Variants in PRKCE observed in about 807,000 individuals in gnomAD.
The protein encoded by PRKCE is protein kinase C epsilon.
A neutral mutation model predicts 85.4 loss-of-function variants in PRKCE; 16 were observed. That is an observed-to-expected ratio of 0.19 (90% CI 0.13 to 0.28). PRKCE has a LOEUF of 0.28. PRKCE is among the 10% of genes least tolerant of loss of function. The pLI is 1.00. For missense variants in PRKCE, 573 were observed against 975.2 expected (o/e 0.59, Z 5.49); for synonymous variants, 388 against 371.5 (o/e 1.04, Z -0.51).
At position 45,895,024 on chromosome 2, in the gene PRKCE, CGTTT is replaced by C. The variant is rs1172453675; in HGVS notation, c.412+51966_412+51969del. ...AGGCATCAGCCCCTGTGCCCCCGTT[CGTTT>C]GTTTTGAGTGAACACATAAATGTCA... is the stretch of plus-strand genomic sequence containing the variant. On this transcript the variant is annotated intron_variant, in intron 2 of 14. Transcript: ENST00000306156. This position sits in a 1 kb window ranked among gnomAD's most constrained non-coding sequence, Gnocchi z 4.8. Among the ~76,000 whole-genome samples the C allele has an allele frequency of 6.6e-6, 1 of 152,152 alleles. No homozygotes were observed. Among genetic ancestry groups the C allele is most frequent in the Non-Finnish European group, 1.5e-5 (1 of 68,028 alleles).
chr2:46,021,265 C>T (rs949974947), intron 10 of PRKCE, among the ~76,000 whole-genome samples: 1 of 152,182 alleles, frequency 6.6e-6, no homozygotes. Context: ...AGTTCTTACT[C>T]TGCTAGGCAA....
intron 1 of PRKCE, among the ~76,000 whole-genome samples, chr2:45,669,605 A>C (rs1481298015): frequency 1.3e-5 from 2 of 152,234 alleles, no homozygotes; most frequent in Non-Finnish European, 2.9e-5. Flanking sequence ...TGATCTGATC[A>C]CATCAGTTTC....
chr2:45,906,620 C>T (rs1314765500), intron 2 of PRKCE, among the ~76,000 whole-genome samples: 2 of 152,102 alleles, frequency 1.3e-5, no homozygotes, highest in African/African-American at 2.4e-5. Context: ...TTGATCTTAC[C>T]TCTGCTGGGT....
In PRKCE at chr2:45,875,706, T is replaced by C. The variant is rs537243291; in HGVS notation, c.412+32643T>C. Reference sequence around the variant, plus strand: ...TACTAAACTGGCTGCTTTGTTGGGGTGGTGAGCTCCCATCCCTGGAAGTGT... The same window carrying C: ...TACTAAACTGGCTGCTTTGTTGGGGCGGTGAGCTCCCATCCCTGGAAGTGT... On this transcript the variant is annotated intron_variant, in intron 2 of 14. Coordinates refer to ENST00000306156, the MANE Select transcript of PRKCE (RefSeq NM_005400.3). Among the ~76,000 whole-genome samples, 4 of 152,288 alleles carry C rather than the reference T, an allele frequency of 2.6e-5. No homozygotes were observed. The East Asian group carries it at 7.7e-4, about 29-fold the overall frequency.
At chr2:45,722,849 C>G (rs1483575851) in intron 1 of PRKCE, among the ~76,000 whole-genome samples, 1 of 152,168 alleles carries the variant, frequency 6.6e-6, no homozygotes, top group Non-Finnish European at 1.5e-5. Context: ...GCCTGTAATC[C>G]CAGCTCTTTG....
At chr2:45,961,891 C>G (rs1701406838) in intron 2 of PRKCE, among the ~76,000 whole-genome samples, 1 of 152,122 alleles carries the variant, frequency 6.6e-6, no homozygotes, top group Non-Finnish European at 1.5e-5. Context: ...GACGGGGTTT[C>G]TCCATGTTGG....
intron 1 of PRKCE, among the ~76,000 whole-genome samples, chr2:45,781,493 G>A (rs1373043880): frequency 6.6e-6 from 1 of 152,072 alleles, no homozygotes; most frequent in Non-Finnish European, 1.5e-5. Context: ...CAATTTGTTT[G>A]TTATTTTCTA....
intron 1 of PRKCE, among the ~76,000 whole-genome samples, chr2:45,818,720 C>T (rs377106209): frequency 2.0e-5 from 3 of 152,208 alleles, no homozygotes; most frequent in Admixed American, 6.5e-5. Context: ...AGTTTTAACA[C>T]GAGGAGGTGG....
chr2:45,756,412 C>A (rs1213399397), intron 1 of PRKCE, among the ~76,000 whole-genome samples: 2 of 152,184 alleles, frequency 1.3e-5, no homozygotes, highest in Non-Finnish European at 2.9e-5. Flanking sequence ...ATCGTATAGT[C>A]TCTCTGGAAA....
chr2:46,073,532 T>C (rs1188297351), intron 10 of PRKCE: 1 of 152,284 alleles, frequency 6.6e-6, no homozygotes, highest in African/African-American at 2.4e-5. Context: ...TGGCTTCTCC[T>C]CGCCCTCCTG....
At chr2:45,705,608 C>T (rs1275795147) in intron 1 of PRKCE, among the ~76,000 whole-genome samples, 1 of 152,194 alleles carries the variant, frequency 6.6e-6, no homozygotes, top group Non-Finnish European at 1.5e-5. Flanking sequence ...GTCAGATAAA[C>T]CTCCACGCTT....
chr2:45,895,121 T>C lies in PRKCE; in HGVS notation c.412+52058T>C, dbSNP rs1369026625. Among the ~76,000 whole-genome samples the C allele has an allele frequency of 2.0e-5, 3 of 152,140 alleles. No individual in the cohort carries two copies. The highest frequency in any genetic ancestry group is 4.8e-5 in the African/African-American group (2 of 41,440). ...CATTAGTTGTGAGCATTTGGCCACG[T>C]GGTAGGGAGAATGAAAAGGCGCCCA... is the stretch of plus-strand genomic sequence containing the variant. On this transcript the variant is annotated intron_variant, in intron 2 of 14. Transcript: ENST00000306156. The surrounding 1 kb of genome is among the most constrained non-coding windows in gnomAD (Gnocchi z 4.8).
intron 1 of PRKCE, among the ~76,000 whole-genome samples, chr2:45,713,980 G>A (rs146169588): frequency 0.011 from 1,666 of 152,306 alleles, 16 homozygotes; most frequent in Middle Eastern, 0.024. Flanking sequence ...AAAGGGAAGG[G>A]CATTGACATA....
intron 6 of PRKCE, among the ~76,000 whole-genome samples, chr2:45,989,995 G>A (rs1024277996): frequency 5.3e-5 from 8 of 152,126 alleles, no homozygotes; most frequent in Admixed American, 3.3e-4. Context: ...TTTGCTGCAC[G>A]GATACTCACA....
intron 11 of PRKCE, among the ~76,000 whole-genome samples, chr2:46,105,780 A>C (rs1161169508): frequency 2.0e-5 from 3 of 152,232 alleles, no homozygotes; most frequent in Admixed American, 6.5e-5. Flanking sequence ...GCTTACCACA[A>C]TAGCAACAGG....
chr2:46,066,441 T>G (rs973298570), intron 10 of PRKCE, among the ~76,000 whole-genome samples: 1 of 152,200 alleles, frequency 6.6e-6, no homozygotes, highest in African/African-American at 2.4e-5. Flanking sequence ...TCTGTTGCTT[T>G]TTGATTTTCC....
intron 2 of PRKCE, among the ~76,000 whole-genome samples, chr2:45,918,042 C>A (rs1022040378): frequency 7.2e-5 from 11 of 152,242 alleles, no homozygotes; most frequent in Non-Finnish European, 1.6e-4. Flanking sequence ...CCCCGGTTCC[C>A]GCTGGCGCCT....
chr2:46,049,330 G>A (rs1708717704), intron 10 of PRKCE, among the ~76,000 whole-genome samples: 1 of 152,160 alleles, frequency 6.6e-6, no homozygotes, highest in Admixed American at 6.5e-5. Flanking sequence ...GTGCTGCCCT[G>A]GTTTCTTCCC....
In PRKCE at chr2:46,139,238, A is replaced by T. The variant is rs1186810624; in HGVS notation, c.1593-5855A>T. Among the ~76,000 whole-genome samples, 2 of 152,214 alleles carry T rather than the reference A, an allele frequency of 1.3e-5. No homozygotes were observed. Among genetic ancestry groups the T allele is most frequent in the East Asian group, 3.8e-4 (2 of 5,204 alleles). On this transcript the variant is annotated intron_variant, in intron 11 of 14. Transcript: ENST00000306156. This position sits in a 1 kb window ranked among gnomAD's most constrained non-coding sequence, Gnocchi z 5.2. ...ATAAATACTAAAAAGGAAGAGGTAA[A>T]TTAATCATTAATAGCAGACAATTTG...
Sources: allele counts gnomAD v4.1 joint callset (sites outside exome capture counted in the v4.1 genomes callset), GRCh38; gene constraint gnomAD v4.1.1; non-coding constraint Gnocchi (gnomAD v3.1); transcripts MANE v1.5; gene names NCBI Gene and HGNC (gene_info 2026-07-23, HGNC 2026-07-21).